Variants in GTF3C2 observed in about 807,000 individuals in gnomAD.
GTF3C2 encodes the protein general transcription factor IIIC subunit 2, also known as general transcription factor 3C polypeptide 2.
GTF3C2 carries 17 observed loss-of-function variants against 117.4 expected under a neutral mutation model. That is an observed-to-expected ratio of 0.14 (90% CI 0.10 to 0.22). The LOEUF (loss-of-function observed/expected upper bound fraction) is 0.22. GTF3C2 is among the 10% of genes least tolerant of loss of function. The pLI is 1.00. For synonymous variants in GTF3C2, 437 were observed against 427.0 expected (o/e 1.02, Z -0.29); for missense variants, 888 against 1,143.6 (o/e 0.78, Z 3.22).
chr2:27,352,786 CAAT>C (rs1296325877), intron 1 of GTF3C2, among the ~76,000 whole-genome samples: 3 of 152,190 alleles, frequency 2.0e-5, no homozygotes, highest in African/African-American at 4.8e-5. Context: ...TTAAAATCAT[CAAT>C]AATCACTGTA....
In GTF3C2 at chr2:27,341,224, C is replaced by T. The variant is rs573097637; in HGVS notation, c.855+724G>A. Reference sequence around the variant, plus strand: ...CTAATTTTTGTATTTTTAGGAGAGACGGGGTTTCACTATATTGGTCAGTCT... The same window carrying T: ...CTAATTTTTGTATTTTTAGGAGAGATGGGGTTTCACTATATTGGTCAGTCT... On this transcript the variant is annotated intron_variant, in intron 4 of 18. Transcript: ENST00000264720. Among the ~76,000 whole-genome samples the T allele has an allele frequency of 5.3e-5, 8 of 151,882 alleles. No homozygotes were observed. The East Asian group carries it at 9.8e-4, about 19-fold the overall frequency.
chr2:27,334,077 G>A lies in GTF3C2; in HGVS notation c.1577-78C>T, dbSNP rs2148267983. On this transcript the variant is annotated intron_variant, in intron 10 of 18. Coordinates refer to ENST00000264720, the Ensembl canonical transcript of GTF3C2. ...GTCTTACTCTGTCACCCAGGCCCGA[G>A]TGCAGTGGCATGATCATGGCTCACT... 5 of 1,048,920 alleles carry A rather than the reference G, an allele frequency of 4.8e-6. No homozygotes were observed. The East Asian group carries it at 9.5e-5, about 20-fold the overall frequency. The allele number at this position is 1,048,920 out of a possible 1,614,324, so 65.0% of individuals were successfully genotyped here. A position where few individuals can be genotyped will look rare whatever the true frequency, so the allele number is the denominator to read the frequency against.
At chr2:27,352,691 TAA>T (rs1274320043) in intron 1 of GTF3C2, among the ~76,000 whole-genome samples, 1 of 152,196 alleles carries the variant, frequency 6.6e-6, no homozygotes, top group Non-Finnish European at 1.5e-5. Context: ...AAAAAAAGTT[TAA>T]GATATAAATA....
At chr2:27,342,578 G>C (rs1572576923) in intron 3 of GTF3C2, 3 of 557,954 alleles carry the variant, frequency 5.4e-6, no homozygotes, top group South Asian at 4.7e-5. Context: ...ACAATAAAGA[G>C]CTGGGTAAAG....
At chr2:27,352,361 G>A (rs1003169492) in intron 1 of GTF3C2, among the ~76,000 whole-genome samples, 3 of 152,060 alleles carry the variant, frequency 2.0e-5, no homozygotes, top group African/African-American at 4.8e-5. Context: ...TTTGATTTCC[G>A]AAACAAAACC....
chr2:27,328,673 G>T, intron 15 of GTF3C2, 77 bp from the exon 16 acceptor site: 1 of 1,275,160 alleles, frequency 7.8e-7, no homozygotes, highest in Non-Finnish European at 1.1e-6. Context: ...CACAGTCTGA[G>T]AGACAGACAC....
At chr2:27,328,292 T>A in intron 16 of GTF3C2, 103 bp from the exon 17 acceptor site, 1 of 1,013,058 alleles carries the variant, frequency 9.9e-7, no homozygotes, top group Non-Finnish European at 1.5e-6. Context: ...AAAAAAGTAG[T>A]ATCTTTAAAT....
chr2:27,355,424 G>A (rs1681303768), intron 1 of GTF3C2, among the ~76,000 whole-genome samples: 1 of 152,050 alleles, frequency 6.6e-6, no homozygotes, highest in Non-Finnish European at 1.5e-5. Flanking sequence ...GGAGGCTGAG[G>A]CAGGAGAATC....
chr2:27,337,327 G>A (rs760207533), exon 7 of GTF3C2: 1 of 1,611,748 alleles, frequency 6.2e-7, no homozygotes, highest in South Asian at 1.1e-5. Flanking sequence ...CCTGGGGCAG[G>A]TAGGGAGCGG....
At chr2:27,345,436 T>C (rs564563237) in intron 1 of GTF3C2, among the ~76,000 whole-genome samples, 1 of 151,712 alleles carries the variant, frequency 6.6e-6, no homozygotes, top group East Asian at 2.0e-4. Context: ...CCACTAAAAA[T>C]ACAAAAATTA....
At chr2:27,327,469 C>T (rs906403920) in intron 17 of GTF3C2, among the ~76,000 whole-genome samples, 185 bp from the exon 18 acceptor site, 19 of 151,906 alleles carry the variant, frequency 1.3e-4, no homozygotes, top group South Asian at 4.1e-4. Context: ...GGATTACAGG[C>T]GCCCGCCGTC....
chr2:27,349,197 C>G (rs1366606064), intron 1 of GTF3C2, among the ~76,000 whole-genome samples: 20 of 133,946 alleles, frequency 1.5e-4, no homozygotes, highest in African/African-American at 4.3e-4. Context: ...GCCCAGGCTG[C>G]AGTGCAGTGG....
At chr2:27,337,735 C>T in intron 5 of GTF3C2, 177 bp from the exon 6 acceptor site, 1 of 687,240 alleles carries the variant, frequency 1.5e-6, no homozygotes, top group East Asian at 2.5e-5. Flanking sequence ...GAAACAGAGC[C>T]TTTCATTTTA....
exon 4 of GTF3C2, chr2:27,342,002 T>C (rs149929981): frequency 2.0e-4 from 318 of 1,613,908 alleles, no homozygotes; most frequent in Non-Finnish European, 2.5e-4. Flanking sequence ...CAGGTTCAGA[T>C]GAGCTCTCAC....
intron 12 of GTF3C2, among the ~76,000 whole-genome samples, chr2:27,332,437 C>CA (rs763799727): frequency 6.6e-6 from 1 of 151,168 alleles, no homozygotes; most frequent in East Asian, 1.9e-4. Context: ...TTTTTTGAGA[C>CA]AGAGTCTCGC....
chr2:27,356,286 G>A, intron 1 of GTF3C2: 1 of 393,238 alleles, frequency 2.5e-6, no homozygotes, highest in Non-Finnish European at 5.0e-6. Context: ...GGAAGAGGCT[G>A]GGACACAGCT....
At chr2:27,348,858 T>C (rs1203689465) in intron 1 of GTF3C2, among the ~76,000 whole-genome samples, 3 of 152,202 alleles carry the variant, frequency 2.0e-5, no homozygotes, top group Non-Finnish European at 4.4e-5. Flanking sequence ...ATTTTTGAAA[T>C]GGAGTCTTGC....
At chr2:27,336,102 G>C in intron 8 of GTF3C2, 74 bp from the exon 9 acceptor site, 1 of 1,387,270 alleles carries the variant, frequency 7.2e-7, no homozygotes, top group Non-Finnish European at 1.0e-6. Flanking sequence ...AGCTCCCCTT[G>C]TCTCAGCCCA....
chr2:27,330,631 A>G (rs1304510010), intron 12 of GTF3C2, among the ~76,000 whole-genome samples: 1 of 152,048 alleles, frequency 6.6e-6, no homozygotes, highest in African/African-American at 2.4e-5. Flanking sequence ...AGAGTTTGAG[A>G]CCAGCCTGGG....
Sources: gnomAD v4.1 joint callset for allele counts (sites outside exome capture counted in the v4.1 genomes callset) on GRCh38, gnomAD v4.1.1 for gene constraint, MANE v1.5 for transcripts, NCBI Gene and HGNC (gene_info 2026-07-23, HGNC 2026-07-21) for gene names.